The following CDH12 variants were observed in gnomAD, a reference collection of about 807,000 sequenced individuals.
CDH12 encodes the protein cadherin-12.
In CDH12, 41 loss-of-function variants were observed where a neutral mutation model predicts 74.1. The observed-to-expected ratio is 0.55, with a 90% CI of 0.43 to 0.72. The LOEUF is 0.72. CDH12 is among the 30% of genes least tolerant of loss of function. The pLI, the probability that CDH12 is intolerant of heterozygous loss-of-function variation, is 0.00. For missense variants in CDH12, 945 were observed against 977.2 expected (o/e 0.97, Z 0.44); for synonymous variants, 399 against 355.0 (o/e 1.12, Z -1.39).
intron 1 of CDH12, among the ~76,000 whole-genome samples, chr5:22,733,233 GATTT>G (rs1024899144): frequency 6.6e-6 from 1 of 151,600 alleles, no homozygotes; most frequent in African/African-American, 2.4e-5. Flanking sequence ...TTGTCACCAG[GATTT>G]ACTTAATTAG....
intron 5 of CDH12, among the ~76,000 whole-genome samples, chr5:22,034,595 T>A (rs2150176759): frequency 6.6e-6 from 1 of 152,308 alleles, no homozygotes; most frequent in South Asian, 2.1e-4. Flanking sequence ...TAATAAAGGA[T>A]AATTTTCTAG....
At position 22,003,184 on chromosome 5, in the gene CDH12, T is replaced by C. The variant is rs536899404; in HGVS notation, c.232-27799A>G. Among the ~76,000 whole-genome samples, 3 of 152,216 alleles carry C rather than the reference T, an allele frequency of 2.0e-5. No individual in the cohort carries two copies. In the South Asian group the frequency reaches 6.2e-4, roughly 32 times the overall value. The stretch of plus-strand genomic sequence containing the variant: ...TATAATATATATAAAATTTTCAGTA[T>C]GATGCATGTATATTAAAATGTATAA... On this transcript the variant is annotated intron_variant, in intron 5 of 14. Transcript: ENST00000382254.
chr5:22,577,372 T>G (rs1739848766), intron 1 of CDH12, among the ~76,000 whole-genome samples: 1 of 152,360 alleles, frequency 6.6e-6, no homozygotes, highest in Non-Finnish European at 1.5e-5. Context: ...CTTTTCTTTT[T>G]TTTTCTGAAT....
intron 1 of CDH12, among the ~76,000 whole-genome samples, chr5:22,523,984 T>A (rs10941959): frequency 0.48 from 55,129 of 116,044 alleles, 10,954 homozygotes; most frequent in East Asian, 0.65. Context: ...TATTATTATT[T>A]TTTTTTTTTT....
Position 21,848,991 on chromosome 5 carries a change from CAT to C in CDH12, c.646+5678_646+5679del, listed in dbSNP as rs1033791777. The stretch of plus-strand genomic sequence containing the variant: ...TTATAGATACATGTGCATCAAATGA[CAT>C]AATCAAATCCAACACCACCAGTTCA... On this transcript the variant is annotated intron_variant, in intron 7 of 14. Transcript: ENST00000382254. Among the ~76,000 whole-genome samples the C allele has an allele frequency of 1.5e-4, 23 of 151,922 alleles. 1 individual carries two copies. The highest frequency in any genetic ancestry group is 1.5e-5 in the Non-Finnish European group (1 of 67,920).
At chr5:22,609,012 A>G (rs1737261907) in intron 1 of CDH12, among the ~76,000 whole-genome samples, 1 of 152,158 alleles carries the variant, frequency 6.6e-6, no homozygotes, top group Non-Finnish European at 1.5e-5. Flanking sequence ...CATGACCACA[A>G]TGGATAGCCA....
chr5:22,292,657 C>T (rs909384320), intron 3 of CDH12, among the ~76,000 whole-genome samples: 2 of 151,216 alleles, frequency 1.3e-5, no homozygotes, highest in Non-Finnish European at 3.0e-5. Flanking sequence ...CACAAATGAC[C>T]AATAGGTAAA....
chr5:22,145,767 G>A (rs527586516), intron 4 of CDH12, among the ~76,000 whole-genome samples: 2 of 151,966 alleles, frequency 1.3e-5, no homozygotes, highest in Non-Finnish European at 2.9e-5. Flanking sequence ...CATACAGTAG[G>A]GACATCGAAG....
At chr5:22,776,637 G>A (rs993558459) in intron 1 of CDH12, among the ~76,000 whole-genome samples, 4 of 152,118 alleles carry the variant, frequency 2.6e-5, no homozygotes, top group Admixed American at 2.6e-4. Flanking sequence ...AAAAAAATAG[G>A]AATGATCTGG....
chr5:22,165,470 C>T (rs1362628212), intron 4 of CDH12, among the ~76,000 whole-genome samples: 1 of 148,924 alleles, frequency 6.7e-6, no homozygotes, highest in Non-Finnish European at 1.5e-5. Context: ...AATATCCAGC[C>T]TCCCAACACA....
At chr5:22,493,924 T>C (rs1393114) in intron 2 of CDH12, among the ~76,000 whole-genome samples, 59,036 of 151,876 alleles carry the variant, frequency 0.39, 11,818 homozygotes, top group Non-Finnish European at 0.44. Flanking sequence ...ACACAGGTTC[T>C]AGGATGAGTG....
chr5:22,759,973 C>T (rs1746122533), intron 1 of CDH12, among the ~76,000 whole-genome samples: 1 of 152,086 alleles, frequency 6.6e-6, no homozygotes, highest in South Asian at 2.1e-4. Flanking sequence ...TGGATGAGGT[C>T]CACCCACCTT....
intron 6 of CDH12, among the ~76,000 whole-genome samples, chr5:21,871,076 G>T (rs1751592047): frequency 6.6e-6 from 1 of 152,142 alleles, no homozygotes; most frequent in Non-Finnish European, 1.5e-5. Context: ...TCATCAGACA[G>T]TTTAATTTAA....
At chr5:22,452,880 C>A (rs1306211346) in intron 2 of CDH12, among the ~76,000 whole-genome samples, 33 of 32,186 alleles carry the variant, frequency 1.0e-3, no homozygotes, top group East Asian at 3.4e-3. Flanking sequence ...AACCTAAGAG[C>A]AAAAAAAAAA....
At chr5:22,639,794 AT>A (rs1338867293) in intron 1 of CDH12, among the ~76,000 whole-genome samples, 1 of 152,080 alleles carries the variant, frequency 6.6e-6, no homozygotes. Flanking sequence ...AACATGAAAC[AT>A]TTTTAATATG....
intron 5 of CDH12, among the ~76,000 whole-genome samples, chr5:21,976,269 A>C (rs542687952): frequency 6.6e-6 from 1 of 152,152 alleles, no homozygotes; most frequent in Admixed American, 6.5e-5. Context: ...TGTATGGTAC[A>C]TTATGTTATA....
intron 3 of CDH12, among the ~76,000 whole-genome samples, chr5:22,302,088 T>G (rs982074310): frequency 6.6e-6 from 1 of 152,078 alleles, no homozygotes; most frequent in Non-Finnish European, 1.5e-5. Context: ...CAATTATATT[T>G]TTAGTTTTAT....
intron 6 of CDH12, among the ~76,000 whole-genome samples, chr5:21,864,794 G>T (rs1390805475): frequency 6.6e-6 from 1 of 152,184 alleles, no homozygotes; most frequent in East Asian, 1.9e-4. Flanking sequence ...TGAGGGCTCA[G>T]AAGAAAAGAA....
At chr5:22,002,382 A>G (rs898712771) in intron 5 of CDH12, among the ~76,000 whole-genome samples, 1 of 152,116 alleles carries the variant, frequency 6.6e-6, no homozygotes, top group Non-Finnish European at 1.5e-5. Flanking sequence ...TAACTGTTCT[A>G]TATACTATTT....
Sources: allele counts gnomAD v4.1 joint callset (sites outside exome capture counted in the v4.1 genomes callset), GRCh38; gene constraint gnomAD v4.1.1; transcripts MANE v1.5; gene names NCBI Gene and HGNC (gene_info 2026-07-23, HGNC 2026-07-21).